Variants in DRC11 observed in about 807,000 individuals in gnomAD.
DRC11 encodes the protein IQ and AAA domain-containing protein 1.
chr2:236,408,488 A>C, the DRC11 span: 1 of 738,422 alleles, frequency 1.4e-6, no homozygotes. The surrounding 1 kb of genome is among the most constrained non-coding windows in gnomAD (Gnocchi z 5.5). Context: ...TCCCGGCCCC[A>C]GTCCAGCTTC....
chr2:236,381,253 T>C, the DRC11 span, among the ~76,000 whole-genome samples: 5 of 152,332 alleles, frequency 3.3e-5, no homozygotes, highest in South Asian at 1.0e-3. This position sits in a 1 kb window ranked among gnomAD's most constrained non-coding sequence, Gnocchi z 5.8. Context: ...GTCTTGATCT[T>C]GGACTTCACA....
the DRC11 span, among the ~76,000 whole-genome samples, chr2:236,435,629 A>G: frequency 1.3e-5 from 2 of 152,212 alleles, no homozygotes; most frequent in Admixed American, 1.3e-4. Flanking sequence ...ACAAAGGGGA[A>G]AATGCCCCCT....
At chr2:236,497,503 G>A in the DRC11 span, 1 of 1,551,046 alleles carries the variant, frequency 6.4e-7, no homozygotes, top group Non-Finnish European at 8.8e-7. The surrounding 1 kb of genome is among the most constrained non-coding windows in gnomAD (Gnocchi z 5.1). Flanking sequence ...GGAAGAGAGA[G>A]AATTTAGATG....
At chr2:236,377,109 A>T in the DRC11 span, 5 of 1,597,338 alleles carry the variant, frequency 3.1e-6, no homozygotes, top group African/African-American at 5.4e-5. The surrounding 1 kb of genome is among the most constrained non-coding windows in gnomAD (Gnocchi z 4.9). Context: ...TCACCAATGT[A>T]ATCAGAGAGG....
chr2:236,313,094 A>C, the DRC11 span, among the ~76,000 whole-genome samples: 3 of 152,178 alleles, frequency 2.0e-5, no homozygotes, highest in African/African-American at 4.8e-5. This position sits in a 1 kb window ranked among gnomAD's most constrained non-coding sequence, Gnocchi z 4.5. Flanking sequence ...AACCTTTAAG[A>C]GAATATAATA....
At chr2:236,429,670 T>C in the DRC11 span, among the ~76,000 whole-genome samples, 1 of 151,828 alleles carries the variant, frequency 6.6e-6, no homozygotes, top group African/African-American at 2.4e-5. The surrounding 1 kb of genome is among the most constrained non-coding windows in gnomAD (Gnocchi z 5.9). Context: ...CTGGGGTGGT[T>C]TCAAGGAGAT....
chr2:236,482,925 A>AT, the DRC11 span, among the ~76,000 whole-genome samples: 1 of 152,166 alleles, frequency 6.6e-6, no homozygotes, highest in East Asian at 1.9e-4. This position sits in a 1 kb window ranked among gnomAD's most constrained non-coding sequence, Gnocchi z 4.5. Context: ...CAGTCTAACT[A>AT]TTTTTCAGTG....
the DRC11 span, chr2:236,493,893 G>A: frequency 6.3e-7 from 1 of 1,585,554 alleles, no homozygotes; most frequent in Non-Finnish European, 8.6e-7. Context: ...TGTTGCTAGA[G>A]AAGAGAAAGA....
At chr2:236,377,871 A>G in the DRC11 span, among the ~76,000 whole-genome samples, 2 of 152,240 alleles carry the variant, frequency 1.3e-5, no homozygotes, top group Non-Finnish European at 2.9e-5. This position sits in a 1 kb window ranked among gnomAD's most constrained non-coding sequence, Gnocchi z 4.9. Context: ...GAAACTCCCA[A>G]TGATACTTGC....
At chr2:236,338,551 C>T in the DRC11 span, among the ~76,000 whole-genome samples, 1 of 152,200 alleles carries the variant, frequency 6.6e-6, no homozygotes, top group Admixed American at 6.5e-5. Flanking sequence ...ATGTGCTTCC[C>T]AGTATGACCC....
the DRC11 span, among the ~76,000 whole-genome samples, chr2:236,355,206 G>GT: frequency 1.3e-5 from 2 of 152,182 alleles, no homozygotes; most frequent in Non-Finnish European, 2.9e-5. Context: ...CCCACAGTGG[G>GT]TTTTGATGGA....
chr2:236,446,215 G>A, the DRC11 span, among the ~76,000 whole-genome samples: 2 of 152,176 alleles, frequency 1.3e-5, no homozygotes, highest in Non-Finnish European at 2.9e-5. The surrounding 1 kb of genome is among the most constrained non-coding windows in gnomAD (Gnocchi z 6.2). Flanking sequence ...CGCTCCTGTT[G>A]TTAATCGTAA....
the DRC11 span, among the ~76,000 whole-genome samples, chr2:236,357,880 C>G: frequency 8.4e-6 from 1 of 119,356 alleles, no homozygotes; most frequent in East Asian, 2.4e-4. Flanking sequence ...TATACATATA[C>G]TATATAAATG....
At chr2:236,405,772 A>G in the DRC11 span, among the ~76,000 whole-genome samples, 3 of 152,174 alleles carry the variant, frequency 2.0e-5, no homozygotes, top group African/African-American at 7.2e-5. This position sits in a 1 kb window ranked among gnomAD's most constrained non-coding sequence, Gnocchi z 4.6. Context: ...TACATACACT[A>G]TACTTTTTCC....
chr2:236,331,602 T>A, the DRC11 span: 1 of 1,605,930 alleles, frequency 6.2e-7, no homozygotes, highest in Non-Finnish European at 8.5e-7. The surrounding 1 kb of genome is among the most constrained non-coding windows in gnomAD (Gnocchi z 4.8). Context: ...ACAGAACTGT[T>A]GTATCCAGAA....
chr2:236,362,276 A>G, the DRC11 span, among the ~76,000 whole-genome samples: 1 of 151,220 alleles, frequency 6.6e-6, no homozygotes, highest in African/African-American at 2.5e-5. The surrounding 1 kb of genome is among the most constrained non-coding windows in gnomAD (Gnocchi z 5.7). Flanking sequence ...ACCCTTAAAC[A>G]ACACTCATTT....
the DRC11 span, among the ~76,000 whole-genome samples, chr2:236,336,795 G>A: frequency 8.1e-4 from 124 of 152,226 alleles, 1 homozygote; most frequent in Admixed American, 1.9e-3. This position sits in a 1 kb window ranked among gnomAD's most constrained non-coding sequence, Gnocchi z 7.3. Flanking sequence ...GCAGTGTTAC[G>A]GTGGCCCCGC....
chr2:236,457,249 A>T, the DRC11 span, among the ~76,000 whole-genome samples: 3 of 152,190 alleles, frequency 2.0e-5, no homozygotes, highest in African/African-American at 7.2e-5. This position sits in a 1 kb window ranked among gnomAD's most constrained non-coding sequence, Gnocchi z 4.7. Context: ...AACTAAAATG[A>T]AATAAGATGA....
the DRC11 span, among the ~76,000 whole-genome samples, chr2:236,378,899 C>T: frequency 5.3e-5 from 8 of 152,290 alleles, no homozygotes; most frequent in African/African-American, 9.6e-5. Context: ...CACAGCATCT[C>T]GACCTGGAAC....
Sources: allele counts gnomAD v4.1 joint callset (sites outside exome capture counted in the v4.1 genomes callset), GRCh38; gene constraint gnomAD v4.1.1; non-coding constraint Gnocchi (gnomAD v3.1); transcripts MANE v1.5; gene names NCBI Gene and HGNC (gene_info 2026-07-23, HGNC 2026-07-21).